Variants in IGF1R observed in about 807,000 individuals in gnomAD.
IGF1R encodes insulin like growth factor 1 receptor.
In IGF1R, 44 loss-of-function variants were observed where a neutral mutation model predicts 144.6. That is an observed-to-expected ratio of 0.30 (90% CI 0.24 to 0.39). IGF1R has a LOEUF of 0.39. IGF1R is among the 10% of genes least tolerant of loss of function. The probability of loss-of-function intolerance (pLI) is 1.00; values close to 1 mark genes in which losing one functional copy is unlikely to be tolerated. For synonymous variants in IGF1R, 795 were observed against 722.8 expected (o/e 1.10, Z -1.60); for missense variants, 1,355 against 1,833.7 (o/e 0.74, Z 4.77).
At position 98,948,564 on chromosome 15, in the gene IGF1R, C is replaced by T. The variant is rs757064130; in HGVS notation, c.3588-10C>T. 3 of 1,613,574 alleles carry T rather than the reference C, an allele frequency of 1.9e-6. No individual in the cohort carries two copies. In the South Asian group the frequency reaches 3.3e-5, roughly 18 times the overall value. On this transcript the variant is annotated splice_polypyrimidine_tract_variant and intron_variant, in intron 19 of 20. Coordinates refer to ENST00000650285, the MANE Select transcript of IGF1R (RefSeq NM_000875.5). ...TTTCCAAGCTCCTCACAGTTTTTTT[C>T]TCCCTGTAGGTCCTTCGGGGTCGTC... is the stretch of plus-strand genomic sequence containing the variant.
intron 2 of IGF1R, among the ~76,000 whole-genome samples, chr15:98,861,245 CAT>C (rs1416693094): frequency 2.0e-5 from 3 of 152,200 alleles, no homozygotes; most frequent in African/African-American, 7.2e-5. Context: ...AGTTCAATGA[CAT>C]AGTATTTTAG....
intron 2 of IGF1R, among the ~76,000 whole-genome samples, chr15:98,828,901 G>A (rs1324239488): frequency 4.6e-5 from 7 of 150,850 alleles, no homozygotes; most frequent in African/African-American, 1.5e-4. Flanking sequence ...GAGCAATTCA[G>A]TGCCTTAGAA....
intron 1 of IGF1R, among the ~76,000 whole-genome samples, chr15:98,684,150 TCTC>T (rs750420497): frequency 2.0e-5 from 3 of 152,152 alleles, no homozygotes; most frequent in Non-Finnish European, 4.4e-5. Flanking sequence ...AAGGAAATGA[TCTC>T]CTAGTGAGAC....
chr15:98,749,596 T>C (rs921809470), intron 2 of IGF1R, among the ~76,000 whole-genome samples: 2 of 152,238 alleles, frequency 1.3e-5, no homozygotes, highest in African/African-American at 4.8e-5. Context: ...GGTTACAAAT[T>C]GTTTGTGTGT....
intron 1 of IGF1R, among the ~76,000 whole-genome samples, chr15:98,664,736 C>T (rs1487277550): frequency 6.6e-6 from 1 of 150,730 alleles, no homozygotes; most frequent in Admixed American, 6.6e-5. Flanking sequence ...GGATCGTTAC[C>T]AATACTTCAT....
chr15:98,830,622 T>TTTTTTTA (rs1567150757), intron 2 of IGF1R, among the ~76,000 whole-genome samples: 4 of 151,056 alleles, frequency 2.6e-5, no homozygotes, highest in African/African-American at 9.7e-5. Flanking sequence ...TTTTTTTTTT[T>TTTTTTTA]AGATGGAGTC....
chr15:98,742,299 A>G (rs1339588700), intron 2 of IGF1R, among the ~76,000 whole-genome samples: 1 of 152,228 alleles, frequency 6.6e-6, no homozygotes, highest in Non-Finnish European at 1.5e-5. Context: ...CAGTTCATGG[A>G]TAAATGATGA....
At chr15:98,821,049 G>A (rs745719890) in intron 2 of IGF1R, 2 of 152,136 alleles carry the variant, frequency 1.3e-5, no homozygotes, top group Non-Finnish European at 1.5e-5. Context: ...TGCTGATGCC[G>A]AATCCACTTG....
chr15:98,660,696 T>C (rs1473438022), intron 1 of IGF1R: 1 of 152,218 alleles, frequency 6.6e-6, no homozygotes, highest in Admixed American at 6.5e-5. Flanking sequence ...TTTTTGCACA[T>C]TGAGGTGAAT....
At chr15:98,794,163 A>G (rs2056188256) in intron 2 of IGF1R, among the ~76,000 whole-genome samples, 1 of 152,224 alleles carries the variant, frequency 6.6e-6, no homozygotes, top group Non-Finnish European at 1.5e-5. Flanking sequence ...AAGATGTCGC[A>G]CATTGAGTAT....
At chr15:98,892,751 C>A (rs973514311) in intron 3 of IGF1R, among the ~76,000 whole-genome samples, 1 of 152,110 alleles carries the variant, frequency 6.6e-6, no homozygotes, top group Non-Finnish European at 1.5e-5. Context: ...TTTAGGGGCT[C>A]ACGCCTGTAA....
intron 2 of IGF1R, among the ~76,000 whole-genome samples, chr15:98,842,393 G>C (rs2011189887): frequency 6.6e-6 from 1 of 152,140 alleles, no homozygotes; most frequent in Admixed American, 6.5e-5. Context: ...CTGTAGTTCA[G>C]TTTAGGGGAC....
At chr15:98,909,230 CTT>C (rs2014876802) in intron 6 of IGF1R, among the ~76,000 whole-genome samples, 2 of 135,760 alleles carry the variant, frequency 1.5e-5, no homozygotes, top group Admixed American at 7.6e-5. Flanking sequence ...ATTTCTCTTT[CTT>C]TTTTCTTTTC....
intron 1 of IGF1R, among the ~76,000 whole-genome samples, chr15:98,652,844 G>A (rs1490037878): frequency 6.6e-6 from 1 of 151,990 alleles, no homozygotes; most frequent in Non-Finnish European, 1.5e-5. Context: ...TGTGGCGATG[G>A]CTGCATAGCT....
At chr15:98,808,776 C>T (rs1258260475) in intron 2 of IGF1R, among the ~76,000 whole-genome samples, 1 of 151,260 alleles carries the variant, frequency 6.6e-6, no homozygotes, top group Non-Finnish European at 1.5e-5. Flanking sequence ...AAGTCCTGGG[C>T]TCAAGAAATC....
intron 11 of IGF1R, 132 bp from the exon 12 acceptor site, chr15:98,923,744 A>G (rs2015590956): frequency 1.3e-6 from 1 of 757,348 alleles, no homozygotes; most frequent in African/African-American, 1.7e-5. Context: ...TGGGGGCGTT[A>G]TTCTCAGTGT....
At chr15:98,939,556 G>A (rs2016288504) in intron 18 of IGF1R, among the ~76,000 whole-genome samples, 196 bp downstream of exon 18, 1 of 152,292 alleles carries the variant, frequency 6.6e-6, no homozygotes, top group Non-Finnish European at 1.5e-5. Flanking sequence ...GATAGCTCAT[G>A]GACATGGTGG....
intron 2 of IGF1R, among the ~76,000 whole-genome samples, chr15:98,887,934 G>A (rs552362218): frequency 6.6e-6 from 1 of 152,340 alleles, no homozygotes; most frequent in Admixed American, 6.5e-5. Flanking sequence ...ATTATCCACA[G>A]TTGGGCTAAA....
intron 2 of IGF1R, among the ~76,000 whole-genome samples, chr15:98,755,298 A>T (rs545280124): frequency 6.6e-6 from 1 of 152,056 alleles, no homozygotes; most frequent in Non-Finnish European, 1.5e-5. Flanking sequence ...CACAAAATGG[A>T]TGATTCATAG....
Sources: gnomAD v4.1 joint callset for allele counts (sites outside exome capture counted in the v4.1 genomes callset) on GRCh38, gnomAD v4.1.1 for gene constraint, MANE v1.5 for transcripts, NCBI Gene and HGNC (gene_info 2026-07-23, HGNC 2026-07-21) for gene names.